Variants in IRS2 observed in about 807,000 individuals in gnomAD.
The protein encoded by IRS2 is insulin receptor substrate 2.
A neutral mutation model predicts 70.9 loss-of-function variants in IRS2; 28 were observed. That is an observed-to-expected ratio of 0.39 (90% CI 0.29 to 0.54). The LOEUF (loss-of-function observed/expected upper bound fraction) is 0.54. IRS2 is among the 20% of genes least tolerant of loss of function. The probability of loss-of-function intolerance (pLI) is 0.59; values close to 1 mark genes in which losing one functional copy is unlikely to be tolerated. For missense variants in IRS2, 2,081 were observed against 2,024.1 expected (o/e 1.03, Z -0.54); for synonymous variants, 1,217 against 981.9 (o/e 1.24, Z -4.48).
rs150977997 is a variant in IRS2, at chr13:109,763,248, G to C, written c.4013-6940C>G. Reference sequence around the variant, plus strand: ...TATTTCCATCTGTGTGTTATACTGGGAAACTAATTGATATCCCTTTGAAAA... The same window carrying C: ...TATTTCCATCTGTGTGTTATACTGGCAAACTAATTGATATCCCTTTGAAAA... On this transcript the variant is annotated intron_variant, in intron 1 of 1. Transcript: ENST00000375856. Among the ~76,000 whole-genome samples, 400 of 152,294 alleles carry C rather than the reference G, an allele frequency of 2.6e-3. 3 individuals are homozygous for C. The highest frequency in any genetic ancestry group is 9.2e-3 in the African/African-American group (383 of 41,570).
At position 109,754,092 on chromosome 13, in the gene IRS2, A is replaced by G. The variant is rs1419945561; in HGVS notation, c.*2212T>C. The G allele has an allele frequency of 8.6e-6, 2 of 231,824 alleles. No homozygotes were observed. Among genetic ancestry groups the G allele is most frequent in the African/African-American group, 4.4e-5 (2 of 45,266 alleles). 14.4% of individuals were successfully genotyped at this position (231,824 alleles called of 1,614,324 possible). ...GAAACAATACGTACCCAAAAAGAAA[A>G]CACTGTTTAATAACTGTTAAAGTTT... is the stretch of plus-strand genomic sequence containing the variant. On this transcript the variant is annotated 3_prime_UTR_variant, in exon 2 of 2. Coordinates refer to ENST00000375856, the MANE Select transcript of IRS2 (RefSeq NM_003749.3).
In IRS2 at chr13:109,754,703, G is replaced by A. The variant is rs750721387; in HGVS notation, c.*1601C>T. 1.5e-5 allele frequency: 3 copies of A among 195,394 alleles called. No homozygotes were observed. Among genetic ancestry groups the A allele is most frequent in the African/African-American group, 4.6e-5 (2 of 43,200 alleles). The allele number at this position is 195,394 out of a possible 1,614,324, so 12.1% of individuals were successfully genotyped here. ...AATCCTCTGTTCTAAAGTTCAGCAC[G>A]GAAGCAGGAAGACTTTTGCATTGCC... On this transcript the variant is annotated 3_prime_UTR_variant, in exon 2 of 2. Transcript: ENST00000375856.
chr13:109,773,069 GA>G (rs1877493232), intron 1 of IRS2, among the ~76,000 whole-genome samples: 1 of 152,090 alleles, frequency 6.6e-6, no homozygotes, highest in Non-Finnish European at 1.5e-5. Flanking sequence ...TTCTGCTTTT[GA>G]AAGTGAGGTT....
intron 1 of IRS2, among the ~76,000 whole-genome samples, chr13:109,762,206 C>G (rs921985207): frequency 1.3e-5 from 2 of 152,228 alleles, no homozygotes; most frequent in Non-Finnish European, 2.9e-5. Flanking sequence ...AGCTATTCGT[C>G]TATGGCAAGA....
intron 1 of IRS2, 51 bp downstream of exon 1, chr13:109,781,991 A>G (rs778551325): frequency 6.3e-7 from 1 of 1,591,004 alleles, no homozygotes; most frequent in East Asian, 2.3e-5. Flanking sequence ...AGGCTCCCTC[A>G]GCGCCCCGCC....
intron 1 of IRS2, among the ~76,000 whole-genome samples, chr13:109,771,336 T>C (rs1310287908): frequency 6.6e-6 from 1 of 152,156 alleles, no homozygotes; most frequent in African/African-American, 2.4e-5. Flanking sequence ...TTTTGCTTTC[T>C]CAGCCAGCTA....
chr13:109,769,295 G>A (rs760168447), intron 1 of IRS2, among the ~76,000 whole-genome samples: 45 of 152,208 alleles, frequency 3.0e-4, no homozygotes, highest in Non-Finnish European at 5.3e-4. Context: ...TGTTCCCAAG[G>A]ACTCTATCTC....
At chr13:109,772,736 C>T (rs1401006184) in intron 1 of IRS2, among the ~76,000 whole-genome samples, 3 of 147,734 alleles carry the variant, frequency 2.0e-5, no homozygotes, top group Non-Finnish European at 3.0e-5. Flanking sequence ...TCGGCCAGGC[C>T]GGACTGCGGA....
rs140518899 is a variant in IRS2, at chr13:109,767,763, C to T, written c.4013-11455G>A. 2.9e-3 allele frequency among the ~76,000 whole-genome samples: 400 copies of T among 135,940 alleles called. 2 individuals carry two copies. The highest frequency in any genetic ancestry group is 0.01 in the African/African-American group (370 of 36,066). The allele number at this position is 135,940 out of a possible 152,430, so 89.2% of individuals were successfully genotyped here. A position where few individuals can be genotyped will look rare whatever the true frequency, so the allele number is the denominator to read the frequency against. ...TTTTTTTTTTTTTGAGATGGAGTCT[C>T]GCTCTGTTGCCCAGGCTGGAGCGCA... On this transcript the variant is annotated intron_variant, in intron 1 of 1. Transcript: ENST00000375856.
rs1263959097 is a variant in IRS2 at position 109,784,236 on chromosome 13, C to T, written c.1818G>A (p.Ser606=). 3 of 1,573,252 alleles carry T rather than the reference C, an allele frequency of 1.9e-6. No individual in the cohort carries two copies. The highest frequency in any genetic ancestry group is 2.3e-5 in the South Asian group (2 of 87,984). The change falls in exon 1 of 2, where the codon TCG becomes TCA. Residue 606 remains serine (S), a synonymous_variant. Transcript: ENST00000375856. This position sits in a 1 kb window ranked among gnomAD's most constrained non-coding sequence, Gnocchi z 5.2. The part of the protein sequence containing the change: ...DEYTLMRATF[S]GSAGRLCPSC... The stretch of plus-strand genomic sequence containing the variant: ...ACGGGCAGAGGCGGCCCGCGCTGCC[C>T]GAGAAGGTGGCCCGCATCAGGGTGT...
intron 1 of IRS2, among the ~76,000 whole-genome samples, chr13:109,775,272 C>CCATG (rs1224028572): frequency 1.3e-5 from 2 of 151,894 alleles, no homozygotes; most frequent in African/African-American, 4.8e-5. Flanking sequence ...GTGCATGCTA[C>CCATG]CATGGCTGGC....
At position 109,785,733 on chromosome 13, in the gene IRS2, G is replaced by T; in HGVS notation, c.321C>A (p.Ala107=). Residue 107 remains alanine (A), a synonymous_variant, in exon 1 of 2, where the codon GCC becomes GCA. Transcript: ENST00000375856. The surrounding 1 kb of genome is among the most constrained non-coding windows in gnomAD (Gnocchi z 9.3). ...AGAGGGCGATCAGGTACTTGTGCTT[G>T]GCGTCGGCGCGCTTGTTGATGTTCA... ...CCLNINKRAD[A]KHKYLIALYT... The T allele has an allele frequency of 6.3e-7, 1 of 1,598,702 alleles. No individual in the cohort carries two copies. The highest frequency in any genetic ancestry group is 8.5e-7 in the Non-Finnish European group (1 of 1,178,098).
In IRS2 at chr13:109,782,392, G is replaced by T. The variant is rs1440036848; in HGVS notation, c.3662C>A (p.Thr1221Asn). The T allele has an allele frequency of 1.7e-5, 28 of 1,608,950 alleles. No individual in the cohort carries two copies. Among genetic ancestry groups the T allele is most frequent in the Non-Finnish European group, 2.1e-5 (25 of 1,178,178 alleles). Residue 1221 changes from threonine (T) to asparagine (N), a missense_variant, in exon 1 of 2, where the codon ACC becomes AAC. This residue lies in a region of IRS2 where 1,615 missense variants were observed against 1,459.5 expected (regional missense o/e 1.11). Coordinates refer to ENST00000375856, the MANE Select transcript of IRS2 (RefSeq NM_003749.3). ...GACCAAGCCCCCGGGCTGACCCGGG[G>T]TCCACGGCCGGCCCTGCGGTGCCAA... The part of the protein sequence containing the change: ...PPLAPQGRPW[T>N]PGQPGGLVGC...
In IRS2 at chr13:109,784,142, C is replaced by T. The variant is rs774109455; in HGVS notation, c.1912G>A (p.Gly638Ser). 2 of 1,592,848 alleles carry T rather than the reference C, an allele frequency of 1.3e-6. No homozygotes were observed. Among genetic ancestry groups the T allele is most frequent in the Admixed American group, 3.4e-5 (2 of 59,198 alleles). ...TTGCTGCTGGAGCTCCTGTGGGAGCCGATCTCGATGTCTCCGTAGTCCTCT... is the reference window on the plus strand; with the variant it reads ...TTGCTGCTGGAGCTCCTGTGGGAGCTGATCTCGATGTCTCCGTAGTCCTCT... ...YPEDYGDIEI[G>S]SHRSSSSNLG... The change falls in exon 1 of 2, where the codon GGC becomes AGC. Residue 638 changes from glycine to serine, a missense_variant. Gly to Ser is a moderately conservative substitution (Grantham distance 56, BLOSUM62 0). Around this residue, in one of 4 missense-constraint regions of IRS2, gnomAD observed 1,615 missense variants for 1,459.5 expected, o/e 1.11. Coordinates refer to ENST00000375856, the MANE Select transcript of IRS2 (RefSeq NM_003749.3). The surrounding 1 kb of genome is among the most constrained non-coding windows in gnomAD (Gnocchi z 5.2).
At position 109,783,267 on chromosome 13, in the gene IRS2, G is replaced by A; in HGVS notation, c.2787C>T (p.Ala929=). 3 of 1,452,186 alleles carry A rather than the reference G, an allele frequency of 2.1e-6. No homozygotes were observed. The highest frequency in any genetic ancestry group is 2.7e-6 in the Non-Finnish European group (3 of 1,106,964). 90.0% of individuals were successfully genotyped at this position (1,452,186 alleles called of 1,614,324 possible). ...YINIDFGEPG[A]RLSPPAPPLL... ...GGGGAGGCGCGGGCGGCGACAGGCG[G>A]GCCCCGGGCTCGCCAAAGTCGATGT... Residue 929 remains alanine (A), a synonymous_variant, in exon 1 of 2, where the codon GCC becomes GCT. Coordinates refer to ENST00000375856, the MANE Select transcript of IRS2 (RefSeq NM_003749.3).
At position 109,752,966 on chromosome 13, in the gene IRS2, T is replaced by TTC; in HGVS notation, c.*3337_*3338insGA. On this transcript the variant is annotated 3_prime_UTR_variant, in exon 2 of 2. Transcript: ENST00000375856. ...TGGAGGCAGCATTCTTCTTCTTTTT[T>TTC]TTTTTTTTTTTTGAGACGGAGTTTC... is the stretch of plus-strand genomic sequence containing the variant. 6.7e-6 allele frequency: 1 copy of TTC among 149,318 alleles called. No homozygotes were observed. The highest frequency in any genetic ancestry group is 2.0e-4 in the East Asian group (1 of 5,108). 9.2% of individuals were successfully genotyped at this position (149,318 alleles called of 1,614,324 possible). A position where few individuals can be genotyped will look rare whatever the true frequency, so the allele number is the denominator to read the frequency against.
chr13:109,770,646 C>A (rs1385706491), intron 1 of IRS2, among the ~76,000 whole-genome samples: 1 of 152,016 alleles, frequency 6.6e-6, no homozygotes, highest in African/African-American at 2.4e-5. Context: ...AGATTGCCTG[C>A]GGGGTGGACA....
rs1468763646 is a variant in IRS2, at chr13:109,753,706, G to A, written c.*2598C>T. The A allele has an allele frequency of 5.4e-6, 1 of 186,176 alleles. No homozygotes were observed. The highest frequency in any genetic ancestry group is 1.1e-5 in the Non-Finnish European group (1 of 87,906). 11.5% of individuals were successfully genotyped at this position (186,176 alleles called of 1,614,324 possible). A position where few individuals can be genotyped will look rare whatever the true frequency, so the allele number is the denominator to read the frequency against. ...GTATTTTTTGGCTTCCAGAATAAAA[G>A]TTTTAAAATTAAAAGGGGTATCCAA... On this transcript the variant is annotated 3_prime_UTR_variant, in exon 2 of 2. Coordinates refer to ENST00000375856, the MANE Select transcript of IRS2 (RefSeq NM_003749.3).
intron 1 of IRS2, among the ~76,000 whole-genome samples, chr13:109,779,148 G>A (rs116384618): frequency 0.013 from 2,017 of 152,266 alleles, 57 homozygotes; most frequent in African/African-American, 0.046. Flanking sequence ...CCCCATTCAC[G>A]ATTCTATTGT....
Sources: gnomAD v4.1 joint callset for allele counts (sites outside exome capture counted in the v4.1 genomes callset) on GRCh38, gnomAD v4.1.1 for gene constraint, gnomAD v4.1.1 regional missense constraint, Gnocchi (gnomAD v3.1) non-coding constraint, MANE v1.5 for transcripts, NCBI Gene and HGNC (gene_info 2026-07-23, HGNC 2026-07-21) for gene names.